The following ADAM22 variants were observed in gnomAD, a reference collection of about 807,000 sequenced individuals.
The protein encoded by ADAM22 is disintegrin and metalloproteinase domain-containing protein 22.
ADAM22 carries 65 observed loss-of-function variants against 144.6 expected under a neutral mutation model. The ratio of observed to expected loss-of-function variants is 0.45; its 90% confidence interval spans 0.37 to 0.55. The LOEUF (loss-of-function observed/expected upper bound fraction) is 0.55. ADAM22 is among the 20% of genes least tolerant of loss of function. The probability of loss-of-function intolerance (pLI) is 0.00; values close to 1 mark genes in which losing one functional copy is unlikely to be tolerated. For synonymous variants in ADAM22, 391 were observed against 412.6 expected (o/e 0.95, Z 0.63); for missense variants, 974 against 1,184.9 (o/e 0.82, Z 2.61).
intron 6 of ADAM22, among the ~76,000 whole-genome samples, 158 bp downstream of exon 6, chr7:88,114,805 T>A (rs1827346346): frequency 6.6e-6 from 1 of 152,208 alleles, no homozygotes; most frequent in South Asian, 2.1e-4. Context: ...GATGGGTCTA[T>A]GTCCTGATAA....
intron 3 of ADAM22, among the ~76,000 whole-genome samples, chr7:88,045,888 T>TTGTGTGTGTGTGTGTGTGTGTG (rs59898382): frequency 7.5e-6 from 1 of 133,926 alleles, no homozygotes; most frequent in Non-Finnish European, 1.6e-5. Flanking sequence ...TCGTATTCTA[T>TTGTGTGTGTGTGTGTGTGTGTG]TGTGTGTGTG....
chr7:87,995,970 G>A (rs1791112848), intron 3 of ADAM22, among the ~76,000 whole-genome samples: 1 of 152,172 alleles, frequency 6.6e-6, no homozygotes, highest in South Asian at 2.1e-4. Flanking sequence ...TTACATCAAA[G>A]AAGATTCCTG....
intron 4 of ADAM22, among the ~76,000 whole-genome samples, chr7:88,097,823 CAT>C (rs575203202): frequency 6.6e-6 from 1 of 151,908 alleles, no homozygotes; most frequent in Non-Finnish European, 1.5e-5. Context: ...CTAAAAAGTC[CAT>C]ATAGAGTAAT....
intron 3 of ADAM22, among the ~76,000 whole-genome samples, chr7:88,008,548 C>T (rs1448190853): frequency 8.5e-5 from 13 of 152,146 alleles, no homozygotes; most frequent in Admixed American, 5.9e-4. Context: ...GGCACATATA[C>T]ATCATGGAAT....
At chr7:88,175,496 T>A (rs890178372) in intron 26 of ADAM22, among the ~76,000 whole-genome samples, 6 of 152,080 alleles carry the variant, frequency 3.9e-5, no homozygotes, top group African/African-American at 1.4e-4. Context: ...AAAGACAACA[T>A]GTAATTAATG....
intron 4 of ADAM22, among the ~76,000 whole-genome samples, chr7:88,106,007 G>T (rs1824273876): frequency 6.6e-6 from 1 of 152,144 alleles, no homozygotes; most frequent in Non-Finnish European, 1.5e-5. Context: ...TGAGAAAATG[G>T]AGGCACGGGC....
chr7:87,949,687 C>T (rs1455444812), intron 2 of ADAM22, among the ~76,000 whole-genome samples: 1 of 151,658 alleles, frequency 6.6e-6, no homozygotes, highest in Non-Finnish European at 1.5e-5. Flanking sequence ...GAACTAAGGA[C>T]AACAACCTTT....
At chr7:88,152,103 G>C (rs1419760471) in intron 20 of ADAM22, among the ~76,000 whole-genome samples, 2 of 152,078 alleles carry the variant, frequency 1.3e-5, no homozygotes, top group Non-Finnish European at 2.9e-5. Context: ...GGAAGTGTAT[G>C]CTCTCTTTAA....
intron 4 of ADAM22, among the ~76,000 whole-genome samples, chr7:88,097,730 T>A (rs1821805847): frequency 6.6e-6 from 1 of 152,062 alleles, no homozygotes; most frequent in Non-Finnish European, 1.5e-5. Context: ...TGTGCAACAA[T>A]CATCTAGTCA....
At chr7:88,062,688 T>C (rs1447549418) in intron 3 of ADAM22, among the ~76,000 whole-genome samples, 1 of 152,252 alleles carries the variant, frequency 6.6e-6, no homozygotes, top group Non-Finnish European at 1.5e-5. Context: ...TTGACTTATC[T>C]TGGCTTTCAA....
At chr7:88,082,579 G>C (rs376379824) in intron 4 of ADAM22, among the ~76,000 whole-genome samples, 1 of 152,048 alleles carries the variant, frequency 6.6e-6, no homozygotes, top group African/African-American at 2.4e-5. Flanking sequence ...AATTTTTGCA[G>C]CCTACTCATC....
At chr7:88,066,961 C>T (rs1585392037) in intron 3 of ADAM22, among the ~76,000 whole-genome samples, 1 of 152,006 alleles carries the variant, frequency 6.6e-6, no homozygotes, top group East Asian at 1.9e-4. Flanking sequence ...GTGGTGAAAA[C>T]CAGATTAGAT....
intron 3 of ADAM22, among the ~76,000 whole-genome samples, chr7:88,047,062 C>T (rs1434585466): frequency 6.6e-6 from 1 of 152,130 alleles, no homozygotes; most frequent in African/African-American, 2.4e-5. Context: ...TTGGGCTTGC[C>T]ATTTGTCTTC....
At chr7:88,146,993 A>G (rs750052930) in intron 17 of ADAM22, among the ~76,000 whole-genome samples, 57 of 152,330 alleles carry the variant, frequency 3.7e-4, no homozygotes, top group Non-Finnish European at 7.1e-4. Context: ...GACATCCTGA[A>G]TTATTTATCT....
intron 16 of ADAM22, 54 bp from the exon 17 acceptor site, chr7:88,145,361 T>C: frequency 6.5e-7 from 1 of 1,535,122 alleles, no homozygotes; most frequent in Non-Finnish European, 8.9e-7. Flanking sequence ...ATCCTGTTAC[T>C]TTCAGGAAAG....
At chr7:88,012,744 G>A (rs114878006) in intron 3 of ADAM22, among the ~76,000 whole-genome samples, 265 of 152,270 alleles carry the variant, frequency 1.7e-3, no homozygotes, top group African/African-American at 6.1e-3. Flanking sequence ...AGTCTTTTAA[G>A]TAGGCTCATC....
At chr7:87,965,996 G>A (rs1046880436) in intron 2 of ADAM22, among the ~76,000 whole-genome samples, 22 of 152,296 alleles carry the variant, frequency 1.4e-4, no homozygotes, top group African/African-American at 5.1e-4. Flanking sequence ...TCTGCAATGA[G>A]CTTTTATATA....
chr7:88,003,892 T>A (rs552557292), intron 3 of ADAM22, among the ~76,000 whole-genome samples: 62 of 152,234 alleles, frequency 4.1e-4, no homozygotes, highest in African/African-American at 1.4e-3. Flanking sequence ...CTCTACCGAG[T>A]CTCAAGTGAG....
chr7:88,114,547 C>T (rs371164835), intron 5 of ADAM22, 37 bp from the exon 6 acceptor site: 158 of 1,594,504 alleles, frequency 9.9e-5, no homozygotes, highest in Non-Finnish European at 1.2e-4. Context: ...GGATGAGAGT[C>T]GATGGCCATG....
Sources: gnomAD v4.1 joint callset for allele counts (sites outside exome capture counted in the v4.1 genomes callset) on GRCh38, gnomAD v4.1.1 for gene constraint, MANE v1.5 for transcripts, NCBI Gene and HGNC (gene_info 2026-07-23, HGNC 2026-07-21) for gene names.